LDAF1: variants seen among roughly 807,000 people sequenced by gnomAD.
LDAF1 encodes the protein lipid droplet assembly factor 1, also known as PROMETHIN.
A neutral mutation model predicts 13.5 loss-of-function variants in LDAF1; 7 were observed. That is an observed-to-expected ratio of 0.52 (90% CI 0.29 to 0.97). The LOEUF (loss-of-function observed/expected upper bound fraction) is 0.97, where lower values mean the gene tolerates loss of function less well. Among genes scored for constraint, LDAF1 ranks in the 50% least tolerant of loss-of-function variants. The pLI, the probability that LDAF1 is intolerant of heterozygous loss-of-function variation, is 0.07. For synonymous variants in LDAF1, 69 were observed against 77.1 expected (o/e 0.89, Z 0.55); for missense variants, 148 against 193.2 (o/e 0.77, Z 1.39).
At chr16:21,167,057 A>G (rs745516133) in intron 2 of LDAF1, 16 of 724,660 alleles carry the variant, frequency 2.2e-5, no homozygotes, top group Non-Finnish European at 3.2e-5. Context: ...GAAATTGGCC[A>G]TGCCTCGAGA....
At chr16:21,160,530 C>G (rs1489688561) in intron 1 of LDAF1, among the ~76,000 whole-genome samples, 1 of 152,106 alleles carries the variant, frequency 6.6e-6, no homozygotes, top group African/African-American at 2.4e-5. Context: ...AGAAGAGAAA[C>G]AGGTCAAGGC....
At chr16:21,160,403 T>C (rs776486506) in intron 1 of LDAF1, among the ~76,000 whole-genome samples, 1 of 152,202 alleles carries the variant, frequency 6.6e-6, no homozygotes, top group Non-Finnish European at 1.5e-5. Flanking sequence ...GTATAATTAC[T>C]GTGGTGAGGT....
At chr16:21,174,169 T>G in intron 4 of LDAF1, 21 bp downstream of exon 4, 1 of 1,588,230 alleles carries the variant, frequency 6.3e-7, no homozygotes. Flanking sequence ...GTCCATGAAA[T>G]AATTTATTTT....
intron 2 of LDAF1, chr16:21,166,975 G>A (rs2093030255): frequency 6.9e-7 from 1 of 1,456,816 alleles, no homozygotes; most frequent in Non-Finnish European, 9.3e-7. Flanking sequence ...GGTGGCTTTT[G>A]TCAGAATGGT....
At chr16:21,159,782 C>T (rs958013075) in intron 1 of LDAF1, 1 of 342,342 alleles carries the variant, frequency 2.9e-6, no homozygotes, top group Non-Finnish European at 4.1e-6. Flanking sequence ...TCATCGGACT[C>T]CCCAAACCGG....
intron 2 of LDAF1, among the ~76,000 whole-genome samples, chr16:21,166,018 CCTGA>C (rs1166928699): frequency 2.6e-5 from 4 of 151,930 alleles, no homozygotes; most frequent in South Asian, 2.1e-4. Flanking sequence ...CACCACTCTG[CCTGA>C]CTAATTTTTT....
intron 3 of LDAF1, among the ~76,000 whole-genome samples, 184 bp downstream of exon 3, chr16:21,170,789 G>T (rs2093080915): frequency 6.6e-6 from 1 of 152,002 alleles, no homozygotes; most frequent in Non-Finnish European, 1.5e-5. Flanking sequence ...TATGGCCATG[G>T]GCTACCATGC....
In LDAF1 at chr16:21,179,542, C is replaced by A; in HGVS notation, c.472C>A (p.Leu158Ile). The A allele has an allele frequency of 6.2e-7, 1 of 1,613,992 alleles. No homozygotes were observed. Among genetic ancestry groups the A allele is most frequent in the East Asian group, 2.2e-5 (1 of 44,878 alleles). Residue 158 changes from leucine (L) to isoleucine (I), a missense_variant, in exon 5 of 5, where the codon CTT (leucine) becomes ATT (isoleucine). Physicochemically the swap from Leu to Ile is conservative, Grantham distance 5. Coordinates refer to ENST00000233047, the MANE Select transcript of LDAF1 (RefSeq NM_001301771.2). ...CATGAAGTCTGCAGAATTCGAGGGG[C>A]TTTACCAGGAATGAGTGACTGCTCA... ...PAMKSAEFEG[L>I]YQE is the part of the protein sequence containing the mutation.
chr16:21,164,372 G>A (rs2093005247), intron 2 of LDAF1, among the ~76,000 whole-genome samples: 1 of 152,150 alleles, frequency 6.6e-6, no homozygotes, highest in African/African-American at 2.4e-5. Flanking sequence ...AGCCTCCTGA[G>A]TAGCTGGGAC....
chr16:21,170,191 G>A (rs1044322264), intron 2 of LDAF1: 9 of 388,126 alleles, frequency 2.3e-5, no homozygotes, highest in African/African-American at 1.1e-4. Context: ...TAGTAGAGAC[G>A]GGGGTTTCAT....
chr16:21,173,687 T>C (rs2093111012), intron 3 of LDAF1, among the ~76,000 whole-genome samples: 1 of 146,312 alleles, frequency 6.8e-6, no homozygotes, highest in Non-Finnish European at 1.5e-5. Flanking sequence ...CACTCCAGCC[T>C]GGGAGGCAGA....
intron 2 of LDAF1, among the ~76,000 whole-genome samples, chr16:21,169,905 G>A (rs1366923681): frequency 2.1e-5 from 3 of 141,898 alleles, no homozygotes; most frequent in Non-Finnish European, 4.5e-5. Context: ...GAGAAGTCTT[G>A]TTGTAGTGAC....
At chr16:21,170,340 C>A (rs73535731) in intron 2 of LDAF1, 97 bp from the exon 3 acceptor site, 3 of 1,569,420 alleles carry the variant, frequency 1.9e-6, no homozygotes, top group Non-Finnish European at 1.7e-6. Context: ...TCTGGCTTTA[C>A]GACTTCTGCC....
At chr16:21,169,125 TG>T in intron 2 of LDAF1, 1 of 966,184 alleles carries the variant, frequency 1.0e-6, no homozygotes, top group Non-Finnish European at 1.2e-6. Context: ...ATGCTTTTAA[TG>T]CTTAATAATA....
intron 1 of LDAF1, chr16:21,159,348 C>G: frequency 1.2e-6 from 2 of 1,614,154 alleles, no homozygotes; most frequent in Non-Finnish European, 1.7e-6. Context: ...CCTTCCTCCT[C>G]TCCTTGGGTC....
At chr16:21,169,118 CT>C in intron 2 of LDAF1, 1 of 947,926 alleles carries the variant, frequency 1.1e-6, no homozygotes, top group Non-Finnish European at 1.3e-6. Context: ...AATAATAATG[CT>C]TTTAATGCTT....
intron 3 of LDAF1, 65 bp downstream of exon 3, chr16:21,170,670 C>A: frequency 6.3e-7 from 1 of 1,597,680 alleles, no homozygotes. Context: ...ACTTTTGGGG[C>A]CATTTAAAAA....
At chr16:21,164,540 C>G (rs1199763707) in intron 2 of LDAF1, among the ~76,000 whole-genome samples, 1 of 152,220 alleles carries the variant, frequency 6.6e-6, no homozygotes, top group Non-Finnish European at 1.5e-5. Flanking sequence ...AGTGAGCCAC[C>G]ATGCCCAGCT....
intron 2 of LDAF1, among the ~76,000 whole-genome samples, chr16:21,167,987 CAA>C (rs546410055): frequency 2.6e-4 from 36 of 137,560 alleles, no homozygotes; most frequent in African/African-American, 9.6e-4. Flanking sequence ...GCCTGGGCGA[CAA>C]GAGCAAAACT....
Sources: gnomAD v4.1 joint callset for allele counts (sites outside exome capture counted in the v4.1 genomes callset) on GRCh38, gnomAD v4.1.1 for gene constraint, MANE v1.5 for transcripts, NCBI Gene and HGNC (gene_info 2026-07-23, HGNC 2026-07-21) for gene names.